ABCA6: variants seen among roughly 807,000 people sequenced by gnomAD.
The protein encoded by ABCA6 is ATP-binding cassette sub-family A member 6.
Under a neutral mutation model 191.2 loss-of-function variants are expected in ABCA6, and 164 were observed. That is an observed-to-expected ratio of 0.86 (90% CI 0.76 to 0.98). The LOEUF (loss-of-function observed/expected upper bound fraction) is 0.98, where lower values mean the gene tolerates loss of function less well. Ranked by LOEUF, ABCA6 falls within the 50% of genes least tolerant of loss-of-function variation. ABCA6 has a pLI of 0.00. For missense variants in ABCA6, 1,958 were observed against 1,894.1 expected (o/e 1.03, Z -0.63); for synonymous variants, 636 against 647.7 (o/e 0.98, Z 0.27).
Position 69,134,698 on chromosome 17 carries a change from T to C in ABCA6, c.505A>G (p.Lys169Glu). The C allele has an allele frequency of 6.2e-7, 1 of 1,613,832 alleles. No homozygotes were observed. Among genetic ancestry groups the C allele is most frequent in the Non-Finnish European group, 8.5e-7 (1 of 1,179,906 alleles). The change falls in exon 5 of 39, where the codon AAA becomes GAA. Residue 169 changes from lysine (K) to glutamate (E), a missense_variant. Physicochemically the swap from Lys to Glu is moderately conservative, Grantham distance 56. Coordinates refer to ENST00000284425, the MANE Select transcript of ABCA6 (RefSeq NM_080284.3). ...GYGEFSCTLT[K>E]YWNRGFVALQ... ...GCCACAAATCCTCTATTCCAGTATT[T>C]GGTCAATGTACATGAAAACTCACCA...
chr17:69,102,743 T>C, intron 21 of ABCA6, 92 bp downstream of exon 21: 1 of 1,251,660 alleles, frequency 8.0e-7, no homozygotes, highest in Non-Finnish European at 1.1e-6. Context: ...CTGAGTCAAG[T>C]TTCTGTATAC....
Position 69,106,117 on chromosome 17 carries a change from A to G in ABCA6, c.2484T>C (p.Ser828=), listed in dbSNP as rs1189893971. The change falls in exon 19 of 39, where the codon AGT becomes AGC. Residue 828 remains serine, a synonymous_variant. Coordinates refer to ENST00000284425, the MANE Select transcript of ABCA6 (RefSeq NM_080284.3). ...CTTGCATTCTCCAGAGGCCCATGTC[A>G]CTCACAGCTGTCTGCATTTCAGAGA... ...SSFSEMQTAV[S]DMGLWRMQVF... The G allele has an allele frequency of 1.1e-5, 17 of 1,613,888 alleles. No homozygotes were observed. The highest frequency in any genetic ancestry group is 1.4e-5 in the Non-Finnish European group (17 of 1,179,894).
At chr17:69,086,194 T>G (rs555656907) in intron 30 of ABCA6, among the ~76,000 whole-genome samples, 6 of 152,268 alleles carry the variant, frequency 3.9e-5, no homozygotes, top group South Asian at 2.1e-4. Context: ...CTTTTCAAAA[T>G]ATAAATTAAA....
intron 5 of ABCA6, among the ~76,000 whole-genome samples, chr17:69,134,094 T>A (rs182119055): frequency 1.1e-3 from 168 of 152,320 alleles, no homozygotes; most frequent in African/African-American, 3.9e-3. Flanking sequence ...AAATTAGTTT[T>A]ACAACCAATA....
At chr17:69,126,127 A>G (rs1187370406) in intron 8 of ABCA6, among the ~76,000 whole-genome samples, 2 of 152,152 alleles carry the variant, frequency 1.3e-5, no homozygotes, top group African/African-American at 4.8e-5. Flanking sequence ...ATTTGAAGAC[A>G]ACATGATTAT....
At chr17:69,125,569 A>G (rs2073735290) in intron 8 of ABCA6, among the ~76,000 whole-genome samples, 2 of 152,144 alleles carry the variant, frequency 1.3e-5, no homozygotes, top group African/African-American at 2.4e-5. Flanking sequence ...TATAAAAATA[A>G]TAAGATTTTA....
intron 27 of ABCA6, among the ~76,000 whole-genome samples, chr17:69,088,701 T>C (rs2144619639): frequency 6.6e-6 from 1 of 152,320 alleles, no homozygotes; most frequent in Admixed American, 6.5e-5. Flanking sequence ...AACCCTCCAA[T>C]GACTCCTCCT....
At chr17:69,098,197 A>C (rs1029783285) in intron 22 of ABCA6, 170 bp from the exon 23 acceptor site, 1 of 461,934 alleles carries the variant, frequency 2.2e-6, no homozygotes, top group Non-Finnish European at 3.7e-6. Flanking sequence ...TTCAACTCAA[A>C]GAACAAAGAG....
chr17:69,127,923 T>G (rs577618631), intron 8 of ABCA6, among the ~76,000 whole-genome samples: 1 of 152,218 alleles, frequency 6.6e-6, no homozygotes, highest in East Asian at 1.9e-4. Context: ...GGATGCTACA[T>G]AACTCTACAC....
At chr17:69,137,548 T>C (rs1233517032) in intron 2 of ABCA6, 48 bp from the exon 3 acceptor site, 1 of 1,547,786 alleles carries the variant, frequency 6.5e-7, no homozygotes, top group African/African-American at 1.4e-5. Context: ...TTGCATTCAC[T>C]TAAAGATCTC....
At chr17:69,124,412 T>G (rs1352795792) in intron 9 of ABCA6, among the ~76,000 whole-genome samples, 1 of 151,990 alleles carries the variant, frequency 6.6e-6, no homozygotes, top group Non-Finnish European at 1.5e-5. Flanking sequence ...ATAATTTAAC[T>G]GGGCGATCAA....
chr17:69,106,010 C>T lies in ABCA6; in HGVS notation c.2573+18G>A, dbSNP rs759868855. On this transcript the variant is annotated intron_variant, in intron 19 of 38. Coordinates refer to ENST00000284425, the MANE Select transcript of ABCA6 (RefSeq NM_080284.3). Reference sequence around the variant, plus strand: ...TGAAATTCATGATCTAACAAAACCACAGTACTCTCCTACTCACAGGGTCAA... The same window carrying T: ...TGAAATTCATGATCTAACAAAACCATAGTACTCTCCTACTCACAGGGTCAA... The T allele has an allele frequency of 6.4e-7, 1 of 1,574,230 alleles. No homozygotes were observed. Among genetic ancestry groups the T allele is most frequent in the Non-Finnish European group, 8.6e-7 (1 of 1,161,698 alleles).
chr17:69,097,098 T>C (rs1459618949), intron 23 of ABCA6, among the ~76,000 whole-genome samples: 1 of 152,090 alleles, frequency 6.6e-6, no homozygotes, highest in South Asian at 2.1e-4. Context: ...TTAAACTCTA[T>C]AAAAATAAGT....
At chr17:69,132,129 T>G (rs1365040953) in intron 6 of ABCA6, among the ~76,000 whole-genome samples, 1 of 152,118 alleles carries the variant, frequency 6.6e-6, no homozygotes, top group East Asian at 1.9e-4. Context: ...AATTAAAAAT[T>G]TACTGTACCA....
intron 34 of ABCA6, 25 bp from the exon 35 acceptor site, chr17:69,083,356 G>A: frequency 1.3e-6 from 2 of 1,546,176 alleles, no homozygotes; most frequent in Non-Finnish European, 1.7e-6. Context: ...AAAATTAACA[G>A]TATTTAAAAT....
Position 69,140,624 on chromosome 17 carries a change from T to C in ABCA6, c.80A>G (p.Lys27Arg), listed in dbSNP as rs1278453797. 6.3e-7 allele frequency: 1 copy of C among 1,598,918 alleles called. No homozygotes were observed. Among genetic ancestry groups the C allele is most frequent in the Admixed American group, 1.7e-5 (1 of 57,590 alleles). Residue 27 changes from lysine to arginine, a missense_variant, in exon 2 of 39, where the codon AAA (lysine) becomes AGA (arginine). Transcript: ENST00000284425. ...TAAACATACCAATAAGCTCTCTCTT[T>C]TCATCCTCCATTTCTTAAGAAAATT... ...CKNFLKKWRM[K>R]RESLLEWGLS...
chr17:69,113,349 TAA>T lies in ABCA6; in HGVS notation c.1912_1913del (p.Leu638ArgfsTer2). The T allele has an allele frequency of 3.1e-6, 5 of 1,592,274 alleles. No homozygotes were observed. The highest frequency in any genetic ancestry group is 4.3e-6 in the Non-Finnish European group (5 of 1,174,740). On this transcript the variant is annotated frameshift_variant, in exon 15 of 39. Coordinates refer to ENST00000284425, the MANE Select transcript of ABCA6 (RefSeq NM_080284.3). LOFTEE classifies it high-confidence loss of function. ...TILGDPQILL[L>X]DEPTTGLDPF... ...GATCCAATCCAGTAGTTGGTTCATC[TAA>T]AAGCAAAATCTACAGAGAATGAAGA...
chr17:69,092,509 G>A (rs2072948352), intron 25 of ABCA6, among the ~76,000 whole-genome samples: 1 of 152,150 alleles, frequency 6.6e-6, no homozygotes, highest in Non-Finnish European at 1.5e-5. Context: ...TTGACAGTGT[G>A]AGAGGATACT....
chr17:69,123,256 T>C lies in ABCA6; in HGVS notation c.1419A>G (p.Gln473=). Residue 473 remains glutamine (Q), a synonymous_variant, in exon 10 of 39, where the codon CAA becomes CAG. Transcript: ENST00000284425. ...GTGATTACCTGATGGCTTCTTTTCC[T>C]TGGAATTCAGGAGCTACTGGTTCAA... The part of the protein sequence containing the change: ...DYFEPVAPEF[Q]GKEAIRIRNV... The C allele has an allele frequency of 6.7e-7, 1 of 1,493,860 alleles. No homozygotes were observed. Among genetic ancestry groups the C allele is most frequent in the Non-Finnish European group, 9.0e-7 (1 of 1,110,176 alleles). The allele number at this position is 1,493,860 out of a possible 1,614,324, so 92.5% of individuals were successfully genotyped here.
Sources: allele counts gnomAD v4.1 joint callset (sites outside exome capture counted in the v4.1 genomes callset), GRCh38; gene constraint gnomAD v4.1.1; transcripts MANE v1.5; gene names NCBI Gene and HGNC (gene_info 2026-07-23, HGNC 2026-07-21).